Variants in LRRC7 observed in about 807,000 individuals in gnomAD.
LRRC7 encodes leucine-rich repeat-containing protein 7.
Under a neutral mutation model 175.7 loss-of-function variants are expected in LRRC7, and 23 were observed. That is an observed-to-expected ratio of 0.13 (90% CI 0.09 to 0.19). The LOEUF is 0.19. Among genes scored for constraint, LRRC7 ranks in the 10% least tolerant of loss-of-function variants. The pLI is 1.00. For synonymous variants in LRRC7, 685 were observed against 680.9 expected (o/e 1.01, Z -0.09); for missense variants, 1,354 against 1,904.7 (o/e 0.71, Z 5.38).
intron 2 of LRRC7, among the ~76,000 whole-genome samples, chr1:69,711,259 C>T (rs1341022655): frequency 1.1e-4 from 17 of 152,172 alleles, no homozygotes; most frequent in Admixed American, 1.0e-3. Flanking sequence ...TCTAAATATG[C>T]TCTCTATCAC....
intron 18 of LRRC7, among the ~76,000 whole-genome samples, chr1:70,031,549 G>A (rs1279621270): frequency 6.6e-6 from 1 of 151,776 alleles, no homozygotes; most frequent in Non-Finnish European, 1.5e-5. Context: ...CCTACTTTGT[G>A]GTCATTTGAA....
At chr1:69,980,078 T>C (rs1653263044) in intron 8 of LRRC7, among the ~76,000 whole-genome samples, 1 of 152,132 alleles carries the variant, frequency 6.6e-6, no homozygotes, top group African/African-American at 2.4e-5. Context: ...CAGATGCTTA[T>C]CAAATAGAGT....
intron 8 of LRRC7, among the ~76,000 whole-genome samples, chr1:69,960,904 C>G (rs890363090): frequency 1.3e-5 from 2 of 152,162 alleles, no homozygotes; most frequent in Non-Finnish European, 2.9e-5. Context: ...TGGAAGCATT[C>G]CCCTTGAAAA....
At chr1:69,970,082 A>G (rs1203162915) in intron 8 of LRRC7, among the ~76,000 whole-genome samples, 3 of 152,184 alleles carry the variant, frequency 2.0e-5, no homozygotes, top group Non-Finnish European at 4.4e-5. Context: ...TTCGAACTGA[A>G]CAACAATAGT....
intron 7 of LRRC7, among the ~76,000 whole-genome samples, chr1:69,840,630 A>T (rs1194717070): frequency 6.6e-6 from 1 of 152,036 alleles, no homozygotes; most frequent in Non-Finnish European, 1.5e-5. Context: ...ATGTATGCAA[A>T]TTCTAGGATA....
intron 2 of LRRC7, among the ~76,000 whole-genome samples, chr1:69,699,236 C>A (rs1663019612): frequency 6.6e-6 from 1 of 152,160 alleles, no homozygotes; most frequent in South Asian, 2.1e-4. Context: ...GAGCTATTAT[C>A]ATGGCTTTTC....
chr1:69,873,233 C>T (rs1685730756), intron 7 of LRRC7, among the ~76,000 whole-genome samples: 1 of 152,062 alleles, frequency 6.6e-6, no homozygotes, highest in African/African-American at 2.4e-5. Context: ...GTCATCTGGC[C>T]CAATTCCACT....
intron 7 of LRRC7, among the ~76,000 whole-genome samples, chr1:69,905,205 C>T (rs545761812): frequency 5.9e-5 from 9 of 151,798 alleles, no homozygotes; most frequent in Admixed American, 4.6e-4. Flanking sequence ...GGTATATATC[C>T]AATAATGGGA....
chr1:69,996,541 T>G (rs1238147486), intron 11 of LRRC7, among the ~76,000 whole-genome samples: 1 of 151,228 alleles, frequency 6.6e-6, no homozygotes, highest in Non-Finnish European at 1.5e-5. Context: ...GGTCTAACGT[T>G]TAAGTCTTTA....
At chr1:69,950,592 C>T (rs1057025318) in intron 8 of LRRC7, among the ~76,000 whole-genome samples, 2 of 151,972 alleles carry the variant, frequency 1.3e-5, no homozygotes, top group Non-Finnish European at 2.9e-5. Flanking sequence ...TTAAAATTTG[C>T]TCTGACATGA....
chr1:69,919,793 A>G, intron 7 of LRRC7: 2 of 846,360 alleles, frequency 2.4e-6, no homozygotes, highest in Admixed American at 2.0e-5. Context: ...GATGAGCGGG[A>G]CAGTGTTCAC....
intron 7 of LRRC7, among the ~76,000 whole-genome samples, chr1:69,916,272 AATATATATC>A (rs1488223191): frequency 1.8e-4 from 24 of 133,996 alleles, no homozygotes; most frequent in South Asian, 6.4e-4. Flanking sequence ...ATAAAATATA[AATATATATC>A]ATATATATTA....
chr1:70,014,454 C>T (rs1204485155), intron 13 of LRRC7, among the ~76,000 whole-genome samples: 1 of 151,842 alleles, frequency 6.6e-6, no homozygotes, highest in Non-Finnish European at 1.5e-5. Flanking sequence ...CTCACAATGT[C>T]AGAAGTTTAA....
chr1:70,065,216 C>G (rs895392627), intron 23 of LRRC7, among the ~76,000 whole-genome samples: 2 of 152,012 alleles, frequency 1.3e-5, no homozygotes, highest in East Asian at 3.9e-4. Flanking sequence ...GAAAAAAACT[C>G]AGCTTTTCTT....
intron 3 of LRRC7, among the ~76,000 whole-genome samples, chr1:69,766,035 CA>C (rs34620947): frequency 0.039 from 5,070 of 128,756 alleles, 230 homozygotes; most frequent in African/African-American, 0.12. Flanking sequence ...ATCAACAGAC[CA>C]AAAAAAAAAA....
Position 69,819,688 on chromosome 1 carries a change from C to T in LRRC7, c.422-6060C>T, listed in dbSNP as rs190922878. 3.3e-4 allele frequency among the ~76,000 whole-genome samples: 50 copies of T among 151,156 alleles called. 2 individuals are homozygous for T. The highest frequency in any genetic ancestry group is 2.7e-3 in the Admixed American group (40 of 15,084). On this transcript the variant is annotated intron_variant, in intron 4 of 26. Transcript: ENST00000651989. ...TATTATTATATTTTATTTCATTTCT[C>T]CTTTCAGTCTGTCAATGCTTGCTTC...
rs118180809 is a variant in LRRC7 at position 69,914,392 on chromosome 1, C to T, written c.648-17115C>T. On this transcript the variant is annotated intron_variant, in intron 7 of 26. Transcript: ENST00000651989. ...CCAAAATATTGCATAAATTCCATCA[C>T]TGCTTCAACTGGAATATTTTCCAGC... 5.0e-4 allele frequency among the ~76,000 whole-genome samples: 76 copies of T among 152,296 alleles called. No individual in the cohort carries two copies. In the East Asian group the frequency reaches 5.2e-3, roughly 10 times the overall value.
chr1:69,789,951 A>G (rs1674923449), intron 3 of LRRC7, among the ~76,000 whole-genome samples: 2 of 152,046 alleles, frequency 1.3e-5, no homozygotes. Context: ...ACCTTATTTC[A>G]TCAAATATTC....
At chr1:70,057,606 T>TA (rs536771228) in intron 23 of LRRC7, among the ~76,000 whole-genome samples, 2,768 of 151,932 alleles carry the variant, frequency 0.018, 47 homozygotes, top group African/African-American at 0.045. Flanking sequence ...TTTTTTTTTT[T>TA]AATCTTGTCT....
Sources: allele counts gnomAD v4.1 joint callset (sites outside exome capture counted in the v4.1 genomes callset), GRCh38; gene constraint gnomAD v4.1.1; transcripts MANE v1.5; gene names NCBI Gene and HGNC (gene_info 2026-07-23, HGNC 2026-07-21).